Variants in SEPTIN10 observed in about 807,000 individuals in gnomAD.
SEPTIN10 encodes the protein septin 10.
In SEPTIN10, 66 loss-of-function variants were observed where a neutral mutation model predicts 54.8. That is an observed-to-expected ratio of 1.21 (90% CI 0.99 to 1.48). SEPTIN10 has a LOEUF of 1.48. SEPTIN10 is among the 40% of genes most tolerant of loss of function. The pLI is 0.00. For synonymous variants in SEPTIN10, 161 were observed against 181.0 expected, an observed-to-expected ratio of 0.89 and a Z score of 0.89; for missense variants, 620 against 545.6, an observed-to-expected ratio of 1.14 and a Z score of -1.36.
At chr2:109,578,738 G>T (rs761666264) in intron 4 of SEPTIN10, among the ~76,000 whole-genome samples, 3 of 151,740 alleles carry the variant, frequency 2.0e-5, no homozygotes, top group Non-Finnish European at 4.4e-5. Flanking sequence ...CTGCACTCTA[G>T]CCTGGCCAAC....
At chr2:109,608,550 G>T (rs533775534) in intron 1 of SEPTIN10, among the ~76,000 whole-genome samples, 2 of 152,272 alleles carry the variant, frequency 1.3e-5, no homozygotes, top group Admixed American at 1.3e-4. Context: ...GGAGGGGCTG[G>T]GGAGCCCATC....
At chr2:109,589,106 T>TTTG (rs1558842483) in intron 2 of SEPTIN10, among the ~76,000 whole-genome samples, 4 of 150,696 alleles carry the variant, frequency 2.7e-5, no homozygotes, top group Non-Finnish European at 4.4e-5. Context: ...TTTGTGGTTT[T>TTTG]TTTGTTTGTT....
Position 109,613,811 on chromosome 2 carries a change from A to C in SEPTIN10, c.17T>G (p.Val6Gly). MASSE[V>G]ARHLLFQSHM... ...GGCGGGACTCACCAGGTGCCGCGCC[A>C]CCTCGGAGGAGGCCATGGTCGCGGG... Residue 6 changes from valine to glycine, a missense_variant, in exon 1 of 11, where the codon GTG becomes GGG. Physicochemically the swap from Val to Gly is moderately radical, Grantham distance 109. Transcript: ENST00000397712. The C allele has an allele frequency of 8.1e-7, 1 of 1,233,134 alleles. No homozygotes were observed. The highest frequency in any genetic ancestry group is 1.0e-6 in the Non-Finnish European group (1 of 988,872). The allele number at this position is 1,233,134 out of a possible 1,614,324, so 76.4% of individuals were successfully genotyped here. A position where few individuals can be genotyped will look rare whatever the true frequency, so the allele number is the denominator to read the frequency against.
At chr2:109,555,653 T>G (rs1214371680) in intron 8 of SEPTIN10, among the ~76,000 whole-genome samples, 2 of 152,216 alleles carry the variant, frequency 1.3e-5, no homozygotes, top group Non-Finnish European at 2.9e-5. Flanking sequence ...CTTGTGATTA[T>G]CTACAGGGCA....
At position 109,546,138 on chromosome 2, in the gene SEPTIN10, A is replaced by G. The variant is rs766531545; in HGVS notation, c.1261T>C (p.Ser421Pro). The change falls in exon 10 of 11, where the codon TCT becomes CCT. Residue 421 changes from serine to proline, a missense_variant. Coordinates refer to ENST00000397712, the MANE Select transcript of SEPTIN10 (RefSeq NM_144710.5). Reference protein sequence around the residue: ...RLLEEEIIAFSKKKATSEIFH... With the variant: ...RLLEEEIIAFPKKKATSEIFH... ...ATCTCGGAGGTAGCTTTCTTTTTAG[A>G]GAAAGCAATTATTTCTTCTTCCAAA... 1 of 1,611,378 alleles carries G rather than the reference A, an allele frequency of 6.2e-7. No individual in the cohort carries two copies. Among genetic ancestry groups the G allele is most frequent in the Admixed American group, 1.7e-5 (1 of 59,514 alleles).
chr2:109,606,671 GCTTT>G (rs1558907304), intron 1 of SEPTIN10, among the ~76,000 whole-genome samples: 1 of 95,228 alleles, frequency 1.1e-5, no homozygotes, highest in Non-Finnish European at 2.0e-5. Flanking sequence ...AAAATTTTAA[GCTTT>G]TTTTTTTTTT....
intron 1 of SEPTIN10, among the ~76,000 whole-genome samples, chr2:109,598,088 G>T (rs1346302320): frequency 1.3e-5 from 2 of 152,094 alleles, no homozygotes; most frequent in Non-Finnish European, 2.9e-5. Context: ...TTGAGATGGA[G>T]TCTTGCTCTC....
At chr2:109,596,477 C>A (rs528299349) in intron 1 of SEPTIN10, among the ~76,000 whole-genome samples, 1 of 151,910 alleles carries the variant, frequency 6.6e-6, no homozygotes, top group African/African-American at 2.4e-5. Flanking sequence ...ATTAGCCGAG[C>A]GTGCTGGCAG....
intron 7 of SEPTIN10, among the ~76,000 whole-genome samples, chr2:109,564,987 T>G (rs1686624317): frequency 6.6e-6 from 1 of 152,218 alleles, no homozygotes; most frequent in Non-Finnish European, 1.5e-5. Flanking sequence ...AATTATCAAA[T>G]TCTTTTTATA....
chr2:109,599,536 G>C (rs1696147531), intron 1 of SEPTIN10, among the ~76,000 whole-genome samples: 1 of 151,788 alleles, frequency 6.6e-6, no homozygotes, highest in Non-Finnish European at 1.5e-5. Flanking sequence ...TTGGCCTCCA[G>C]TGTGCATGGC....
chr2:109,576,378 C>T (rs1363694632), intron 4 of SEPTIN10, among the ~76,000 whole-genome samples: 1 of 151,798 alleles, frequency 6.6e-6, no homozygotes, highest in African/African-American at 2.4e-5. Context: ...GGATGACAGG[C>T]GTGAGCCACC....
intron 5 of SEPTIN10, among the ~76,000 whole-genome samples, chr2:109,569,349 T>C (rs897319678): frequency 6.6e-6 from 1 of 151,542 alleles, no homozygotes; most frequent in Non-Finnish European, 1.5e-5. Flanking sequence ...AAGAATCGCT[T>C]GAACCCAGGA....
intron 2 of SEPTIN10, among the ~76,000 whole-genome samples, chr2:109,586,548 A>G (rs1325684214): frequency 6.6e-6 from 1 of 152,192 alleles, no homozygotes; most frequent in East Asian, 1.9e-4. Context: ...AAATTCCAGA[A>G]AGAAGGGAGT....
intron 4 of SEPTIN10, among the ~76,000 whole-genome samples, chr2:109,583,130 G>A (rs564510974): frequency 3.9e-4 from 59 of 152,198 alleles, no homozygotes; most frequent in African/African-American, 1.3e-3. Flanking sequence ...AAGAATTTAC[G>A]ATTAAGTCCT....
In SEPTIN10 at chr2:109,613,788, C is replaced by A; in HGVS notation, c.30+10G>T. On this transcript the variant is annotated intron_variant, in intron 1 of 10. Coordinates refer to ENST00000397712, the MANE Select transcript of SEPTIN10 (RefSeq NM_144710.5). ...CGCGGGGCTGGGGCCCCGGCGTCGG[C>A]GGGACTCACCAGGTGCCGCGCCACC... 1 of 1,227,114 alleles carries A rather than the reference C, an allele frequency of 8.1e-7. No individual in the cohort carries two copies. Among genetic ancestry groups the A allele is most frequent in the Non-Finnish European group, 1.0e-6 (1 of 985,000 alleles). The allele number at this position is 1,227,114 out of a possible 1,614,324, so 76.0% of individuals were successfully genotyped here. A position where few individuals can be genotyped will look rare whatever the true frequency, so the allele number is the denominator to read the frequency against.
intron 3 of SEPTIN10, among the ~76,000 whole-genome samples, 196 bp from the exon 4 acceptor site, chr2:109,585,517 G>A (rs889331769): frequency 6.6e-6 from 1 of 152,134 alleles, no homozygotes; most frequent in Admixed American, 6.5e-5. Context: ...TCAGGACTCT[G>A]ACAACAACAC....
At chr2:109,560,900 A>G (rs1399953569) in intron 8 of SEPTIN10, among the ~76,000 whole-genome samples, 6 of 152,112 alleles carry the variant, frequency 3.9e-5, no homozygotes, top group Admixed American at 6.5e-5. Flanking sequence ...CATCTCTCAA[A>G]TATGTCCAGC....
At chr2:109,574,042 C>CA (rs1207801048) in intron 5 of SEPTIN10, among the ~76,000 whole-genome samples, 4 of 152,226 alleles carry the variant, frequency 2.6e-5, no homozygotes, top group South Asian at 4.1e-4. Flanking sequence ...TTAATCACTA[C>CA]AAAGGAAACT....
In SEPTIN10 at chr2:109,593,409, C is replaced by CTTTTTTTTT. The variant is rs766138431; in HGVS notation, c.31-299_31-291dup. Among the ~76,000 whole-genome samples the CTTTTTTTTT allele has an allele frequency of 5.7e-3, 760 of 133,702 alleles. 26 individuals carry two copies. Among genetic ancestry groups the CTTTTTTTTT allele is most frequent in the African/African-American group, 0.017 (608 of 35,420 alleles). 87.7% of individuals were successfully genotyped at this position (133,702 alleles called of 152,430 possible). On this transcript the variant is annotated intron_variant, in intron 1 of 10. Transcript: ENST00000397712. Reference sequence around the variant, plus strand: ...CATTTACAAGTAGAGAGAGAAAGAACTTTTTTTTTTTTTTGAGACGGCATC... The same window carrying CTTTTTTTTT: ...CATTTACAAGTAGAGAGAGAAAGAACTTTTTTTTTTTTTTTTTTTTTTTGAGACGGCATC...
Sources: allele counts gnomAD v4.1 joint callset (sites outside exome capture counted in the v4.1 genomes callset), GRCh38; gene constraint gnomAD v4.1.1; transcripts MANE v1.5; gene names NCBI Gene and HGNC (gene_info 2026-07-23, HGNC 2026-07-21).